The following EYS variants were observed in gnomAD, a reference collection of about 807,000 sequenced individuals.
EYS encodes the protein EGF-like photoreceptor maintenance factor, also known as protein eyes shut homolog.
A neutral mutation model predicts 282.1 loss-of-function variants in EYS; 250 were observed. The ratio of observed to expected loss-of-function variants is 0.89; its 90% CI spans 0.80 to 0.98. The LOEUF is 0.98. Among genes scored for constraint, EYS ranks in the 50% least tolerant of loss-of-function variants. The pLI, the probability that EYS is intolerant of heterozygous loss-of-function variation, is 0.00. For missense variants in EYS, 4,016 were observed against 3,709.0 expected (o/e 1.08, Z -2.15); for synonymous variants, 1,355 against 1,282.9 (o/e 1.06, Z -1.20).
intron 5 of EYS, among the ~76,000 whole-genome samples, chr6:65,433,192 C>A (rs1246138193): frequency 6.6e-6 from 1 of 151,942 alleles, no homozygotes; most frequent in Non-Finnish European, 1.5e-5. Context: ...GACAAGAATA[C>A]AAAGGAAATG....
intron 26 of EYS, among the ~76,000 whole-genome samples, chr6:64,501,580 C>T (rs149514460): frequency 1.5e-3 from 223 of 151,984 alleles, no homozygotes; most frequent in African/African-American, 4.9e-3. Context: ...CTGAAGATGC[C>T]ATTTTGGGAA....
chr6:63,923,488 A>G (rs1465771555), intron 35 of EYS, among the ~76,000 whole-genome samples: 1 of 152,234 alleles, frequency 6.6e-6, no homozygotes, highest in Non-Finnish European at 1.5e-5. Flanking sequence ...ATAGCAAATA[A>G]CACTGCCTAC....
intron 35 of EYS, among the ~76,000 whole-genome samples, chr6:63,929,538 T>C (rs2149749866): frequency 6.6e-6 from 1 of 152,346 alleles, no homozygotes; most frequent in East Asian, 1.9e-4. Context: ...CAAGTAAATT[T>C]GGAATTATTT....
At chr6:64,346,813 A>G (rs997558345) in intron 29 of EYS, among the ~76,000 whole-genome samples, 3 of 151,520 alleles carry the variant, frequency 2.0e-5, no homozygotes, top group African/African-American at 7.3e-5. Flanking sequence ...AGAAACATGA[A>G]ATATGTAATT....
intron 37 of EYS, among the ~76,000 whole-genome samples, chr6:63,802,355 T>C (rs1194293457): frequency 6.6e-6 from 1 of 152,100 alleles, no homozygotes; most frequent in East Asian, 1.9e-4. Flanking sequence ...CATGCGGGGC[T>C]TAAAACCTAG....
chr6:64,718,790 G>A (rs1380809501), intron 22 of EYS, among the ~76,000 whole-genome samples: 1 of 152,206 alleles, frequency 6.6e-6, no homozygotes, highest in Non-Finnish European at 1.5e-5. Flanking sequence ...TATATGCCAT[G>A]CAATATCATA....
chr6:65,470,762 T>C (rs1223366137), intron 5 of EYS, among the ~76,000 whole-genome samples: 1 of 152,102 alleles, frequency 6.6e-6, no homozygotes, highest in East Asian at 1.9e-4. Flanking sequence ...GTCATCCACA[T>C]TAATGTATAA....
At chr6:65,302,305 T>A (rs1768865385) in intron 11 of EYS, among the ~76,000 whole-genome samples, 1 of 152,222 alleles carries the variant, frequency 6.6e-6, no homozygotes, top group South Asian at 2.1e-4. Context: ...TGAGTGTTGG[T>A]TCGACCTACA....
intron 36 of EYS, among the ~76,000 whole-genome samples, chr6:63,862,611 A>C (rs1393226314): frequency 6.6e-6 from 1 of 152,230 alleles, no homozygotes; most frequent in Non-Finnish European, 1.5e-5. Context: ...TTATATGGTC[A>C]GTATTATTTT....
At chr6:65,495,654 T>A in intron 3 of EYS, 47 bp from the exon 4 acceptor site, 1 of 563,700 alleles carries the variant, frequency 1.8e-6, no homozygotes, top group Non-Finnish European at 3.1e-6. Flanking sequence ...TTTCCCTAAA[T>A]TAATAATATA....
intron 31 of EYS, among the ~76,000 whole-genome samples, chr6:64,212,399 A>G (rs1295826698): frequency 6.6e-6 from 1 of 152,024 alleles, no homozygotes; most frequent in African/African-American, 2.4e-5. Context: ...ATAAATGACA[A>G]AATGCTAATT....
At chr6:64,580,416 T>C (rs564805171) in intron 26 of EYS, among the ~76,000 whole-genome samples, 160 of 152,208 alleles carry the variant, frequency 1.1e-3, no homozygotes, top group African/African-American at 3.7e-3. Flanking sequence ...GGCATTTGAA[T>C]TGGGCCTTAG....
intron 7 of EYS, among the ~76,000 whole-genome samples, chr6:65,401,276 G>A (rs13206040): frequency 6.6e-6 from 1 of 151,010 alleles, no homozygotes; most frequent in African/African-American, 2.4e-5. Flanking sequence ...TTAATTTCCT[G>A]TCATTTTTTT....
At chr6:65,270,760 T>C (rs1380020874) in intron 12 of EYS, among the ~76,000 whole-genome samples, 1 of 152,064 alleles carries the variant, frequency 6.6e-6, no homozygotes, top group Non-Finnish European at 1.5e-5. Context: ...ATAAATAAAA[T>C]TCAGCAAAGT....
chr6:63,875,907 CT>C (rs1408743738), intron 35 of EYS, among the ~76,000 whole-genome samples: 2 of 151,858 alleles, frequency 1.3e-5, no homozygotes, highest in African/African-American at 2.4e-5. Context: ...TTTTGTTGAT[CT>C]TTTCAAAAAA....
At chr6:64,337,101 G>T (rs1037863892) in intron 29 of EYS, among the ~76,000 whole-genome samples, 2 of 151,992 alleles carry the variant, frequency 1.3e-5, no homozygotes, top group Non-Finnish European at 2.9e-5. Flanking sequence ...TCCAAAGCCA[G>T]CAGAAGAAAG....
intron 12 of EYS, among the ~76,000 whole-genome samples, chr6:65,226,449 C>A (rs1443107419): frequency 6.6e-6 from 1 of 152,018 alleles, no homozygotes; most frequent in Non-Finnish European, 1.5e-5. Context: ...GACAAGCAAC[C>A]AATTTAAAAA....
intron 12 of EYS, among the ~76,000 whole-genome samples, chr6:65,112,763 T>A (rs1182769206): frequency 6.6e-6 from 1 of 152,162 alleles, no homozygotes; most frequent in Non-Finnish European, 1.5e-5. Context: ...CTTTATGAAT[T>A]TTACAGTATG....
At chr6:64,664,149 G>T (rs944247592) in intron 22 of EYS, among the ~76,000 whole-genome samples, 2 of 152,194 alleles carry the variant, frequency 1.3e-5, no homozygotes, top group African/African-American at 4.8e-5. Flanking sequence ...AGAGTATGCA[G>T]TTGCATGATT....
Sources: gnomAD v4.1 joint callset for allele counts (sites outside exome capture counted in the v4.1 genomes callset) on GRCh38, gnomAD v4.1.1 for gene constraint, MANE v1.5 for transcripts, NCBI Gene and HGNC (gene_info 2026-07-23, HGNC 2026-07-21) for gene names.